ZRANB3: variants seen among roughly 807,000 people sequenced by gnomAD.
ZRANB3 encodes DNA annealing helicase and endonuclease ZRANB3.
Under a neutral mutation model 133.8 loss-of-function variants are expected in ZRANB3, and 125 were observed. That is an observed-to-expected ratio of 0.93 (90% CI 0.81 to 1.08). The LOEUF (loss-of-function observed/expected upper bound fraction) is 1.08. Among genes scored for constraint, ZRANB3 ranks in the 50% least tolerant of loss-of-function variants. The pLI is 0.00. For synonymous variants in ZRANB3, 387 were observed against 432.7 expected (o/e 0.89, Z 1.31); for missense variants, 1,229 against 1,275.5 (o/e 0.96, Z 0.56).
intron 18 of ZRANB3, 35 bp from the exon 19 acceptor site, chr2:135,207,871 T>A: frequency 6.4e-7 from 1 of 1,555,014 alleles, no homozygotes; most frequent in East Asian, 2.3e-5. Flanking sequence ...AGGTAACTAA[T>A]GAATGATTAG....
chr2:135,266,694 G>C (rs1398075445), intron 11 of ZRANB3, among the ~76,000 whole-genome samples: 2 of 151,844 alleles, frequency 1.3e-5, no homozygotes, highest in South Asian at 4.2e-4. Context: ...GAACCCAGGA[G>C]GCAGAGATTG....
chr2:135,333,752 T>C (rs1338039892), intron 6 of ZRANB3, among the ~76,000 whole-genome samples: 1 of 152,204 alleles, frequency 6.6e-6, no homozygotes, highest in Non-Finnish European at 1.5e-5. Context: ...TGAAACACAT[T>C]AGAATGTATT....
intron 12 of ZRANB3, among the ~76,000 whole-genome samples, chr2:135,254,917 A>T (rs540376201): frequency 1.3e-5 from 2 of 151,678 alleles, no homozygotes; most frequent in East Asian, 1.9e-4. Context: ...CACCTAGCTA[A>T]TTTTTTTGTA....
rs553810887 is a variant in ZRANB3, at chr2:135,380,632, C to T, written c.180+10170G>A. On this transcript the variant is annotated intron_variant, in intron 3 of 20. Transcript: ENST00000264159. ...GAAACCAATGAGAAAAAAGACACAA[C>T]GTACCAGAATCTCTGGGACACATTT... 1.8e-3 allele frequency among the ~76,000 whole-genome samples: 280 copies of T among 152,238 alleles called. 3 individuals carry two copies. The highest frequency in any genetic ancestry group is 6.4e-3 in the African/African-American group (265 of 41,556).
At chr2:135,320,805 C>T (rs909515831) in intron 6 of ZRANB3, among the ~76,000 whole-genome samples, 1 of 152,204 alleles carries the variant, frequency 6.6e-6, no homozygotes, top group Admixed American at 6.5e-5. Flanking sequence ...ATCCTTTCCT[C>T]TCATCCTTGG....
intron 2 of ZRANB3, among the ~76,000 whole-genome samples, chr2:135,449,051 C>G (rs1324989403): frequency 6.6e-6 from 1 of 152,156 alleles, no homozygotes; most frequent in East Asian, 1.9e-4. Context: ...TAGGTGATTT[C>G]TGAAGCTGTC....
intron 17 of ZRANB3, among the ~76,000 whole-genome samples, chr2:135,210,208 A>G (rs6430563): frequency 0.27 from 40,873 of 152,156 alleles, 9,185 homozygotes; most frequent in African/African-American, 0.6. Flanking sequence ...TACGTCCCTC[A>G]CCAATTAGAC....
chr2:135,386,255 T>C (rs910404284), intron 3 of ZRANB3, among the ~76,000 whole-genome samples: 9 of 152,366 alleles, frequency 5.9e-5, no homozygotes, highest in African/African-American at 2.2e-4. Context: ...TCATCATCAC[T>C]GCTCATCAGA....
intron 2 of ZRANB3, among the ~76,000 whole-genome samples, chr2:135,484,014 G>A (rs965489144): frequency 9.9e-5 from 15 of 152,178 alleles, no homozygotes; most frequent in Admixed American, 2.0e-4. Flanking sequence ...CATTTGCTGA[G>A]AAGAGCTTTA....
chr2:135,386,369 T>C (rs1686973012), intron 3 of ZRANB3, among the ~76,000 whole-genome samples: 2 of 152,086 alleles, frequency 1.3e-5, no homozygotes, highest in South Asian at 2.1e-4. Flanking sequence ...TGTGGAGAAA[T>C]AGGAATGCTT....
intron 17 of ZRANB3, among the ~76,000 whole-genome samples, chr2:135,210,424 T>C (rs950452488): frequency 6.6e-6 from 1 of 152,072 alleles, no homozygotes; most frequent in African/African-American, 2.4e-5. Context: ...AACCTCCGCC[T>C]TCTGGTTCAA....
intron 2 of ZRANB3, among the ~76,000 whole-genome samples, chr2:135,502,958 C>A (rs1435459529): frequency 1.3e-5 from 2 of 152,188 alleles, no homozygotes; most frequent in South Asian, 4.1e-4. Context: ...AGTAAGATTA[C>A]AATAATTTTA....
intron 17 of ZRANB3, among the ~76,000 whole-genome samples, chr2:135,214,419 G>C (rs1358711852): frequency 6.6e-6 from 1 of 151,830 alleles, no homozygotes; most frequent in Non-Finnish European, 1.5e-5. Context: ...ATAATATTGT[G>C]TCTGACTTTG....
chr2:135,524,946 T>C (rs565163254), intron 1 of ZRANB3, among the ~76,000 whole-genome samples: 7 of 152,050 alleles, frequency 4.6e-5, no homozygotes, highest in Non-Finnish European at 8.8e-5. Context: ...TTTAATTAGA[T>C]ATATAATTTT....
At chr2:135,431,922 T>G (rs898114052) in intron 2 of ZRANB3, among the ~76,000 whole-genome samples, 1 of 152,114 alleles carries the variant, frequency 6.6e-6, no homozygotes, top group African/African-American at 2.4e-5. Context: ...AACACTGAAC[T>G]GCATACCGTG....
chr2:135,336,203 C>A (rs1684364528), intron 6 of ZRANB3, among the ~76,000 whole-genome samples: 1 of 152,302 alleles, frequency 6.6e-6, no homozygotes, highest in South Asian at 2.1e-4. Context: ...GTTACCTATA[C>A]CCTAACTTCT....
intron 2 of ZRANB3, among the ~76,000 whole-genome samples, chr2:135,459,283 T>C (rs1690662987): frequency 6.6e-6 from 1 of 152,194 alleles, no homozygotes. Context: ...ATACATGAGA[T>C]ATTTGGGGCT....
At chr2:135,477,961 T>A (rs990807607) in intron 2 of ZRANB3, among the ~76,000 whole-genome samples, 1 of 151,854 alleles carries the variant, frequency 6.6e-6, no homozygotes, top group African/African-American at 2.4e-5. Flanking sequence ...CACACTCCAA[T>A]CTGAGTGACA....
chr2:135,518,278 G>A (rs558115274), intron 1 of ZRANB3, among the ~76,000 whole-genome samples: 5 of 152,120 alleles, frequency 3.3e-5, no homozygotes, highest in South Asian at 4.2e-4. Flanking sequence ...TGATTGTCTC[G>A]CTGGTGTTCC....
Sources: allele counts gnomAD v4.1 joint callset (sites outside exome capture counted in the v4.1 genomes callset), GRCh38; gene constraint gnomAD v4.1.1; transcripts MANE v1.5; gene names NCBI Gene and HGNC (gene_info 2026-07-23, HGNC 2026-07-21).